Variants in SLC5A8 observed in about 807,000 individuals in gnomAD.
The protein encoded by SLC5A8 is solute carrier family 5 member 8.
In SLC5A8, 55 loss-of-function variants were observed where a neutral mutation model predicts 71.9. The ratio of observed to expected loss-of-function variants is 0.77; its 90% CI spans 0.62 to 0.96. SLC5A8 has a LOEUF of 0.96. Among genes scored for constraint, SLC5A8 ranks in the 40% least tolerant of loss-of-function variants. The pLI, the probability that SLC5A8 is intolerant of heterozygous loss-of-function variation, is 0.00. For synonymous variants in SLC5A8, 307 were observed against 276.1 expected, an observed-to-expected ratio of 1.11 and a Z score of -1.11; for missense variants, 701 against 745.3, an observed-to-expected ratio of 0.94 and a Z score of 0.69.
intron 13 of SLC5A8, among the ~76,000 whole-genome samples, chr12:101,161,609 A>C (rs2051723944): frequency 6.6e-6 from 1 of 152,176 alleles, no homozygotes; most frequent in Non-Finnish European, 1.5e-5. Context: ...TATGTGTAAA[A>C]TCCCTAACAT....
At chr12:101,194,397 A>G (rs1468559590) in intron 4 of SLC5A8, among the ~76,000 whole-genome samples, 3 of 152,222 alleles carry the variant, frequency 2.0e-5, no homozygotes, top group Non-Finnish European at 4.4e-5. Flanking sequence ...ACACATAATA[A>G]TATCAGTGCC....
rs548821754 is a variant in SLC5A8, at chr12:101,187,628, A to C, written c.834-113T>G. On this transcript the variant is annotated intron_variant, in intron 6 of 14. Transcript: ENST00000536262. ...TCATGATTAGACTCAATAAATGTACATTATCTTTTGATTATCGAAAACTCT... is the reference window on the plus strand; with the variant it reads ...TCATGATTAGACTCAATAAATGTACCTTATCTTTTGATTATCGAAAACTCT... The C allele has an allele frequency of 9.7e-6, 11 of 1,138,320 alleles. No homozygotes were observed. In the African/African-American group the frequency reaches 1.4e-4, roughly 15 times the overall value. 70.5% of individuals were successfully genotyped at this position (1,138,320 alleles called of 1,614,324 possible).
At position 101,157,075 on chromosome 12, in the gene SLC5A8, C is replaced by T; in HGVS notation, c.*204G>A. On this transcript the variant is annotated 3_prime_UTR_variant, in exon 15 of 15. Transcript: ENST00000536262. ...AAATAAAGGAAAGAGAGGGAAATGTCAATGCCAGAATTCTAAACTCCAGAG... is the reference window on the plus strand; with the variant it reads ...AAATAAAGGAAAGAGAGGGAAATGTTAATGCCAGAATTCTAAACTCCAGAG... 1 of 507,328 alleles carries T rather than the reference C, an allele frequency of 2.0e-6. No individual in the cohort carries two copies. Among genetic ancestry groups the T allele is most frequent in the Non-Finnish European group, 3.4e-6 (1 of 295,134 alleles). The allele number at this position is 507,328 out of a possible 1,614,324, so 31.4% of individuals were successfully genotyped here.
chr12:101,168,220 A>C, intron 10 of SLC5A8, 38 bp from the exon 11 acceptor site: 23 of 1,535,664 alleles, frequency 1.5e-5, no homozygotes, highest in African/African-American at 2.7e-5. Context: ...TAGCAATCTC[A>C]AATCGAAACT....
chr12:101,173,328 G>C (rs530457767), intron 10 of SLC5A8, among the ~76,000 whole-genome samples: 1 of 152,276 alleles, frequency 6.6e-6, no homozygotes, highest in South Asian at 2.1e-4. Context: ...GTCCACATTA[G>C]GGGTGAACCT....
Position 101,195,097 on chromosome 12 carries a change from G to T in SLC5A8, c.535C>A (p.Leu179Met), listed in dbSNP as rs527994365. 26 of 1,614,094 alleles carry T rather than the reference G, an allele frequency of 1.6e-5. No individual in the cohort carries two copies. The East Asian group carries it at 5.8e-4, about 36-fold the overall frequency. ...TGVVCTFYCT[L>M]GGLKAVIWTD... ...AGGGAAATATGTCCTGGACGTACCA[G>T]TGTGCAGTAGAATGTGCAGACCACC... The change falls in exon 4 of 15, where the codon CTG becomes ATG. Residue 179 changes from leucine to methionine, a missense_variant and splice_region_variant. Transcript: ENST00000536262.
At chr12:101,202,783 A>G (rs955463585) in intron 2 of SLC5A8, among the ~76,000 whole-genome samples, 2 of 152,118 alleles carry the variant, frequency 1.3e-5, no homozygotes, top group Middle Eastern at 3.2e-3. Flanking sequence ...ACACTTAACT[A>G]TTTATTGATC....
intron 10 of SLC5A8, among the ~76,000 whole-genome samples, chr12:101,177,333 A>G (rs2051888353): frequency 6.6e-6 from 1 of 152,052 alleles, no homozygotes; most frequent in Non-Finnish European, 1.5e-5. Flanking sequence ...TAATTAAGGA[A>G]GAATTAGCAC....
At position 101,166,685 on chromosome 12, in the gene SLC5A8, A is replaced by AC; in HGVS notation, c.1334dup (p.Leu446SerfsTer23). The AC allele has an allele frequency of 6.2e-7, 1 of 1,610,064 alleles. No individual in the cohort carries two copies. The highest frequency in any genetic ancestry group is 1.1e-5 in the South Asian group (1 of 90,026). On this transcript the variant is annotated frameshift_variant, in exon 12 of 15. Coordinates refer to ENST00000536262, the MANE Select transcript of SLC5A8 (RefSeq NM_145913.5). LOFTEE classifies it high-confidence loss of function. Reference sequence around the variant, plus strand: ...GAGAAATGGCAAATCCAGCCATCAGACCAACAAGTGCTCCCTGTAAAACAA... The same window carrying AC: ...GAGAAATGGCAAATCCAGCCATCAGACCCAACAAGTGCTCCCTGTAAAACAA...
chr12:101,174,707 C>T (rs1256482936), intron 10 of SLC5A8, among the ~76,000 whole-genome samples: 1 of 152,114 alleles, frequency 6.6e-6, no homozygotes, highest in Non-Finnish European at 1.5e-5. Context: ...TATCATTAAT[C>T]TTATAGCCAC....
rs1422814631 is a variant in SLC5A8 at position 101,193,656 on chromosome 12, C to T, written c.661G>A (p.Ala221Thr). ...QGGISTILND[A>T]YDGGRLNFWN... ...AAATTTAATCTTCCACCATCATAGG[C>T]ATCATTTAAAATAGTGCTGATTCCA... The change falls in exon 5 of 15, where the codon GCC becomes ACC. Residue 221 changes from alanine (A) to threonine (T), a missense_variant. Ala to Thr is a moderately conservative substitution (Grantham distance 58). Coordinates refer to ENST00000536262, the MANE Select transcript of SLC5A8 (RefSeq NM_145913.5). 1 of 1,613,996 alleles carries T rather than the reference C, an allele frequency of 6.2e-7. No homozygotes were observed. The highest frequency in any genetic ancestry group is 8.5e-7 in the Non-Finnish European group (1 of 1,179,946).
chr12:101,157,141 C>A lies in SLC5A8; in HGVS notation c.*138G>T. The A allele has an allele frequency of 1.0e-6, 1 of 976,932 alleles. No homozygotes were observed. The highest frequency in any genetic ancestry group is 1.4e-6 in the Non-Finnish European group (1 of 689,918). 60.5% of individuals were successfully genotyped at this position (976,932 alleles called of 1,614,324 possible). ...ATGTAGTAAATGAAGATAGTCCAGACTTTGTTTTAACAAAAACTTATCCCC... is the reference window on the plus strand; with the variant it reads ...ATGTAGTAAATGAAGATAGTCCAGAATTTGTTTTAACAAAAACTTATCCCC... On this transcript the variant is annotated 3_prime_UTR_variant, in exon 15 of 15. Transcript: ENST00000536262.
chr12:101,193,411 A>G (rs1179978176), intron 5 of SLC5A8, among the ~76,000 whole-genome samples: 1 of 152,186 alleles, frequency 6.6e-6, no homozygotes, highest in African/African-American at 2.4e-5. Context: ...ACATTGCTCT[A>G]AGCACCATGT....
At position 101,182,142 on chromosome 12, in the gene SLC5A8, G is replaced by T. The variant is rs538995207; in HGVS notation, c.1165+661C>A. Reference sequence around the variant, plus strand: ...CAAGCTGGTATTTAACCCCTAATGAGGCTCTACGATTGAACAGAACAGAAG... The same window carrying T: ...CAAGCTGGTATTTAACCCCTAATGATGCTCTACGATTGAACAGAACAGAAG... On this transcript the variant is annotated intron_variant, in intron 9 of 14. Transcript: ENST00000536262. Among the ~76,000 whole-genome samples, 6 of 152,234 alleles carry T rather than the reference G, an allele frequency of 3.9e-5. 2 individuals are homozygous for T. The highest frequency in any genetic ancestry group is 1.4e-4 in the African/African-American group (6 of 41,548).
At chr12:101,180,122 G>C in intron 9 of SLC5A8, 26 bp from the exon 10 acceptor site, 1 of 1,610,406 alleles carries the variant, frequency 6.2e-7, no homozygotes. Context: ...AAAAGCCAGT[G>C]TAAAATCCAC....
intron 10 of SLC5A8, among the ~76,000 whole-genome samples, chr12:101,176,712 GAA>G: frequency 6.6e-6 from 1 of 151,986 alleles, no homozygotes; most frequent in South Asian, 2.1e-4. Flanking sequence ...ATATCTCAAA[GAA>G]AACATAAAAA....
At chr12:101,191,073 T>C (rs976581236) in intron 5 of SLC5A8, among the ~76,000 whole-genome samples, 2 of 152,240 alleles carry the variant, frequency 1.3e-5, no homozygotes, top group African/African-American at 4.8e-5. Flanking sequence ...ATCATAGTTC[T>C]AATCTATATT....
chr12:101,189,236 C>T (rs533631467), intron 6 of SLC5A8, among the ~76,000 whole-genome samples: 1 of 152,238 alleles, frequency 6.6e-6, no homozygotes, highest in Non-Finnish European at 1.5e-5. Context: ...ATAGACTACT[C>T]TATCTATAAA....
At chr12:101,200,491 A>G (rs1386218610) in intron 3 of SLC5A8, among the ~76,000 whole-genome samples, 1 of 152,108 alleles carries the variant, frequency 6.6e-6, no homozygotes, top group Non-Finnish European at 1.5e-5. Context: ...GAAAAGGGAA[A>G]CTTAAGAGAC....
Sources: allele counts gnomAD v4.1 joint callset (sites outside exome capture counted in the v4.1 genomes callset), GRCh38; gene constraint gnomAD v4.1.1; transcripts MANE v1.5; gene names NCBI Gene and HGNC (gene_info 2026-07-23, HGNC 2026-07-21).